Variants in ALOXE3 observed in about 807,000 individuals in gnomAD.
The protein encoded by ALOXE3 is arachidonate epidermal lipoxygenase 3.
Under a neutral mutation model 87.5 loss-of-function variants are expected in ALOXE3, and 78 were observed. The ratio of observed to expected loss-of-function variants is 0.89; its 90% CI spans 0.74 to 1.08. ALOXE3 has a LOEUF of 1.08. Ranked by LOEUF, ALOXE3 falls within the 50% of genes least tolerant of loss-of-function variation. The probability of loss-of-function intolerance (pLI) is 0.00; values close to 1 mark genes in which losing one functional copy is unlikely to be tolerated. For synonymous variants in ALOXE3, 363 were observed against 370.8 expected (o/e 0.98, Z 0.24); for missense variants, 946 against 912.4 (o/e 1.04, Z -0.47).
In ALOXE3 at chr17:8,096,603, T is replaced by C. The variant is rs111342695; in HGVS notation, c.*24A>G. On this transcript the variant is annotated 3_prime_UTR_variant, in exon 16 of 16. Coordinates refer to ENST00000448843, the MANE Select transcript of ALOXE3 (RefSeq NM_021628.3). ...CTCCTCATGCTTGGACCTTTCTTTC[T>C]TCTTGGGTGGTATTTGGGGGTGGTT... 1,646 of 1,074,220 alleles carry C rather than the reference T, an allele frequency of 1.5e-3. 24 individuals are homozygous for C. The African/African-American group carries it at 0.023, about 15-fold the overall frequency. 66.5% of individuals were successfully genotyped at this position (1,074,220 alleles called of 1,614,324 possible).
intron 15 of ALOXE3, among the ~76,000 whole-genome samples, chr17:8,098,437 A>G (rs1365271797): frequency 6.6e-6 from 1 of 151,340 alleles, no homozygotes; most frequent in African/African-American, 2.4e-5. Flanking sequence ...ATGAGGTTTC[A>G]CCATGTTGGC....
Position 8,110,015 on chromosome 17 carries a change from C to G in ALOXE3, c.1306-13G>C, listed in dbSNP as rs1400007870. The stretch of plus-strand genomic sequence containing the variant: ...GGGGGAGTAGGAGCTGCGAGCGGAG[C>G]GGATCACGTGAGCTGAAGGCCGGGG... On this transcript the variant is annotated splice_polypyrimidine_tract_variant and intron_variant, in intron 10 of 15. Coordinates refer to ENST00000448843, the MANE Select transcript of ALOXE3 (RefSeq NM_021628.3). 1 of 1,561,478 alleles carries G rather than the reference C, an allele frequency of 6.4e-7. No homozygotes were observed. Among genetic ancestry groups the G allele is most frequent in the Non-Finnish European group, 8.7e-7 (1 of 1,152,570 alleles).
In ALOXE3 at chr17:8,103,382, T is replaced by C; in HGVS notation, c.1897A>G (p.Asn633Asp). ...AGGAGGAGGTTGTTACAGCTGATGT[T>C]CACTTCAGGGAGGGTGTCTAGGTAA... ...KTYLDTLPEV[N>D]ISCNNLLLFW... Residue 633 changes from asparagine to aspartate, a missense_variant, in exon 15 of 16, where the codon AAC becomes GAC. Asn to Asp is a conservative substitution (Grantham distance 23, BLOSUM62 1). Transcript: ENST00000448843. The C allele has an allele frequency of 1.2e-6, 2 of 1,614,086 alleles. No individual in the cohort carries two copies. Among genetic ancestry groups the C allele is most frequent in the East Asian group, 4.5e-5 (2 of 44,870 alleles).
At chr17:8,101,797 G>A (rs1325570519) in intron 15 of ALOXE3, among the ~76,000 whole-genome samples, 2 of 151,976 alleles carry the variant, frequency 1.3e-5, no homozygotes, top group Admixed American at 6.6e-5. Flanking sequence ...ACACTAATAC[G>A]CCCGATTAAT....
At chr17:8,105,122 G>T (rs979580790) in intron 13 of ALOXE3, among the ~76,000 whole-genome samples, 65 of 152,270 alleles carry the variant, frequency 4.3e-4, no homozygotes, top group Middle Eastern at 3.4e-3. Context: ...AAAACCCTCG[G>T]AGGGCTTCCC....
At chr17:8,099,522 G>A (rs1978788832) in intron 15 of ALOXE3, among the ~76,000 whole-genome samples, 1 of 152,054 alleles carries the variant, frequency 6.6e-6, no homozygotes, top group Non-Finnish European at 1.5e-5. Context: ...TTAGCCAGGT[G>A]TGATGGTGCA....
Position 8,097,142 on chromosome 17 carries a change from AT to A in ALOXE3, c.1957-337del, listed in dbSNP as rs147749868. ...TGGATGGGTTGAACTAGAAAAAAAA[AT>A]TTTTGAGGCAAGGTCTCACTCTGTT... is the stretch of plus-strand genomic sequence containing the variant. On this transcript the variant is annotated intron_variant, in intron 15 of 15. Transcript: ENST00000448843. Among the ~76,000 whole-genome samples, 992 of 152,168 alleles carry A rather than the reference AT, an allele frequency of 6.5e-3. 11 individuals carry two copies. The highest frequency in any genetic ancestry group is 0.022 in the African/African-American group (912 of 41,504).
chr17:8,111,962 G>A, intron 7 of ALOXE3, 131 bp downstream of exon 7: 1 of 841,710 alleles, frequency 1.2e-6, no homozygotes, highest in African/African-American at 1.6e-5. Context: ...GTGAAGCCAG[G>A]AGCCCCTCCC....
chr17:8,107,886 A>G (rs1332967922), intron 13 of ALOXE3, among the ~76,000 whole-genome samples: 6 of 4,912 alleles, frequency 1.2e-3, no homozygotes, highest in Non-Finnish European at 2.4e-3. Flanking sequence ...AGAAAGAAAG[A>G]AAGAAAGAAA....
chr17:8,100,819 A>C (rs1036744478), intron 15 of ALOXE3, among the ~76,000 whole-genome samples: 10 of 152,086 alleles, frequency 6.6e-5, no homozygotes, highest in African/African-American at 2.4e-4. Flanking sequence ...TATAGCCATC[A>C]AAAAAACAGA....
At chr17:8,113,407 C>T (rs1598214263) in intron 6 of ALOXE3, among the ~76,000 whole-genome samples, 1 of 152,348 alleles carries the variant, frequency 6.6e-6, no homozygotes, top group East Asian at 1.9e-4. Flanking sequence ...AATCCCAGCA[C>T]TTTGGGAGGC....
chr17:8,117,818 C>T, intron 2 of ALOXE3, 26 bp downstream of exon 2: 1 of 1,606,298 alleles, frequency 6.2e-7, no homozygotes, highest in Non-Finnish European at 8.5e-7. Context: ...TCTGAGGTCG[C>T]GCTTCCCTGT....
chr17:8,097,848 C>T (rs895331505), intron 15 of ALOXE3, among the ~76,000 whole-genome samples: 1 of 150,582 alleles, frequency 6.6e-6, no homozygotes, highest in Non-Finnish European at 1.5e-5. Flanking sequence ...CCCGGGTTCA[C>T]GCTATTCTCC....
chr17:8,114,936 A>G lies in ALOXE3; in HGVS notation c.554+2T>C. The G allele has an allele frequency of 6.2e-7, 1 of 1,613,494 alleles. No homozygotes were observed. Among genetic ancestry groups the G allele is most frequent in the Non-Finnish European group, 8.5e-7 (1 of 1,179,868 alleles). On this transcript the variant is annotated splice_donor_variant, in intron 5 of 15. Transcript: ENST00000448843. LOFTEE classifies it high-confidence loss of function. ...CCCTCCTTCCCAAGCTTTAATCTTC[A>G]CCTGTCACCCTGGTCTACACAAGTT...
intron 10 of ALOXE3, 32 bp from the exon 11 acceptor site, chr17:8,110,034 G>A: frequency 6.4e-7 from 1 of 1,571,004 alleles, no homozygotes; most frequent in Non-Finnish European, 8.6e-7. Context: ...TGAGCTGAAG[G>A]CCGGGGACAA....
In ALOXE3 at chr17:8,111,476, A is replaced by G. The variant is rs1022481645; in HGVS notation, c.840T>C (p.Asn280=). The G allele has an allele frequency of 1.2e-6, 2 of 1,614,072 alleles. No individual in the cohort carries two copies. Among genetic ancestry groups the G allele is most frequent in the African/African-American group, 2.7e-5 (2 of 74,922 alleles). ...AGTGGAGCATGACGGGATTGACACC[A>G]TTCAGGTACTGGTACCCAAAGAAGT... ...EDHFFGYQYL[N]GVNPVMLHCI... Residue 280 remains asparagine, a synonymous_variant, in exon 8 of 16, where the codon AAT becomes AAC. Coordinates refer to ENST00000448843, the MANE Select transcript of ALOXE3 (RefSeq NM_021628.3).
At position 8,103,472 on chromosome 17, in the gene ALOXE3, G is replaced by A. The variant is rs774557340; in HGVS notation, c.1807C>T (p.Pro603Ser). The A allele has an allele frequency of 5.6e-6, 9 of 1,614,130 alleles. No homozygotes were observed. In the Admixed American group the frequency reaches 1.3e-4, roughly 24 times the overall value. Reference protein sequence around the residue: ...SGQHDFGAWMPNAPSSMRQPP... With the variant: ...SGQHDFGAWMSNAPSSMRQPP... ...TGCCTCATGGATGATGGAGCATTGG[G>A]CATCCAGGCCCCAAAGTCATGCTGT... The change falls in exon 15 of 16, where the codon CCC becomes TCC. Residue 603 changes from proline (P) to serine (S), a missense_variant. Coordinates refer to ENST00000448843, the MANE Select transcript of ALOXE3 (RefSeq NM_021628.3).
Position 8,110,243 on chromosome 17 carries a change from T to G in ALOXE3, c.1154A>C (p.Glu385Ala). ...CGTCTTGGCCAGCAGCCAGTCCCAT[T>G]CGGAGTCAGTGGGCAGGAAGATGGG... ...DSPIFLPTDSEWDWLLAKTWV... is the reference protein window; with the variant it reads ...DSPIFLPTDSAWDWLLAKTWV... The change falls in exon 10 of 16, where the codon GAA becomes GCA. Residue 385 changes from glutamate (E) to alanine (A), a missense_variant. Coordinates refer to ENST00000448843, the MANE Select transcript of ALOXE3 (RefSeq NM_021628.3). 1 of 1,614,054 alleles carries G rather than the reference T, an allele frequency of 6.2e-7. No homozygotes were observed.
chr17:8,117,016 G>C (rs1416284071), intron 2 of ALOXE3, 36 bp from the exon 3 acceptor site: 3 of 1,598,700 alleles, frequency 1.9e-6, no homozygotes, highest in South Asian at 1.1e-5. Context: ...GTGAGAGGCG[G>C]GGAACTGCCA....
Sources: allele counts gnomAD v4.1 joint callset (sites outside exome capture counted in the v4.1 genomes callset), GRCh38; gene constraint gnomAD v4.1.1; transcripts MANE v1.5; gene names NCBI Gene and HGNC (gene_info 2026-07-23, HGNC 2026-07-21).